KAZN: variants seen among roughly 807,000 people sequenced by gnomAD.
The protein encoded by KAZN is kazrin, periplakin interacting protein.
Under a neutral mutation model 87.4 loss-of-function variants are expected in KAZN, and 40 were observed. The ratio of observed to expected loss-of-function variants is 0.46; its 90% CI spans 0.36 to 0.60. The LOEUF is 0.60. Among genes scored for constraint, KAZN ranks in the 20% least tolerant of loss-of-function variants. The pLI, the probability that KAZN is intolerant of heterozygous loss-of-function variation, is 0.00. For synonymous variants in KAZN, 466 were observed against 458.3 expected, an observed-to-expected ratio of 1.02 and a Z score of -0.22; for missense variants, 898 against 1,073.9, an observed-to-expected ratio of 0.84 and a Z score of 2.29.
intron 1 of KAZN, among the ~76,000 whole-genome samples, chr1:14,943,660 T>G (rs1661402364): frequency 6.6e-6 from 1 of 152,194 alleles, no homozygotes. Flanking sequence ...CACGGAGAGG[T>G]GAGGTGACCT....
At chr1:15,064,013 C>T (rs1272573098) in intron 7 of KAZN, among the ~76,000 whole-genome samples, 1 of 152,240 alleles carries the variant, frequency 6.6e-6, no homozygotes, top group Non-Finnish European at 1.5e-5. Flanking sequence ...GCACACATGT[C>T]CTCCGTCCTG....
At chr1:14,510,779 G>A (rs77858680) in intron 2 of KAZN, among the ~76,000 whole-genome samples, 1,546 of 152,264 alleles carry the variant, frequency 0.01, 31 homozygotes, top group Non-Finnish European at 8.5e-3. Flanking sequence ...GTGGCTGTGA[G>A]CTCAGAGAGT....
intron 2 of KAZN, among the ~76,000 whole-genome samples, chr1:14,406,770 T>C (rs1400631035): frequency 2.0e-5 from 3 of 152,224 alleles, no homozygotes; most frequent in African/African-American, 4.8e-5. Context: ...CAGAATAATA[T>C]TTGAGCAAAT....
intron 2 of KAZN, among the ~76,000 whole-genome samples, chr1:14,446,063 G>A (rs144501443): frequency 1.6e-4 from 24 of 152,156 alleles, no homozygotes; most frequent in African/African-American, 5.8e-4. Context: ...AAGTGTGCTG[G>A]TGCACACCTG....
At chr1:13,908,467 G>A (rs1026130856) in intron 1 of KAZN, among the ~76,000 whole-genome samples, 1 of 152,192 alleles carries the variant, frequency 6.6e-6, no homozygotes, top group Admixed American at 6.5e-5. Flanking sequence ...TAATTCCCCT[G>A]GGTCCTAAGT....
intron 1 of KAZN, among the ~76,000 whole-genome samples, chr1:14,118,175 G>C (rs2101693032): frequency 6.6e-6 from 1 of 152,320 alleles, no homozygotes; most frequent in Non-Finnish European, 1.5e-5. Flanking sequence ...GCAAGATTTA[G>C]ATTCAAATTC....
chr1:14,733,114 G>T (rs1643753323), intron 1 of KAZN, among the ~76,000 whole-genome samples: 1 of 152,128 alleles, frequency 6.6e-6, no homozygotes, highest in African/African-American at 2.4e-5. Flanking sequence ...GTTTCTCGGG[G>T]ATCTGTGGCT....
intron 1 of KAZN, among the ~76,000 whole-genome samples, chr1:14,625,025 C>T (rs1679023742): frequency 6.6e-6 from 1 of 152,062 alleles, no homozygotes. Flanking sequence ...CTGGTCTGTG[C>T]CAGAAACCAA....
intron 3 of KAZN, among the ~76,000 whole-genome samples, chr1:15,042,968 C>T (rs1435343222): frequency 6.6e-6 from 1 of 152,240 alleles, no homozygotes; most frequent in Admixed American, 6.5e-5. Context: ...TTTGCTCCGG[C>T]CAACAGAGGT....
chr1:15,057,159 G>A (rs1036260185), intron 5 of KAZN, among the ~76,000 whole-genome samples: 3 of 152,250 alleles, frequency 2.0e-5, no homozygotes, highest in East Asian at 1.9e-4. Flanking sequence ...ATGGGGGAGT[G>A]TAGGTGAGTC....
At chr1:14,481,128 G>A (rs1182182385) in intron 2 of KAZN, among the ~76,000 whole-genome samples, 1 of 151,896 alleles carries the variant, frequency 6.6e-6, no homozygotes, top group Non-Finnish European at 1.5e-5. Flanking sequence ...AATCTCACAT[G>A]GTCAGGAGAG....
intron 1 of KAZN, among the ~76,000 whole-genome samples, chr1:14,177,173 A>G (rs1327626824): frequency 3.3e-5 from 5 of 152,062 alleles, no homozygotes; most frequent in Non-Finnish European, 7.4e-5. Flanking sequence ...AAAAGACAAT[A>G]TGCTTACATT....
intron 1 of KAZN, among the ~76,000 whole-genome samples, chr1:13,915,995 G>A (rs970929213): frequency 1.3e-5 from 2 of 152,210 alleles, no homozygotes; most frequent in African/African-American, 4.8e-5. Flanking sequence ...ATTGGTGGAA[G>A]CTGTGGCAGG....
At chr1:14,270,086 C>T (rs1651800937) in intron 2 of KAZN, among the ~76,000 whole-genome samples, 1 of 152,188 alleles carries the variant, frequency 6.6e-6, no homozygotes, top group African/African-American at 2.4e-5. Context: ...CCCTAGACCC[C>T]ACCTCCTCAC....
chr1:14,745,146 C>T (rs2100455388), intron 1 of KAZN, among the ~76,000 whole-genome samples: 1 of 152,122 alleles, frequency 6.6e-6, no homozygotes, highest in Admixed American at 6.5e-5. Context: ...TGGACAGTGC[C>T]CTGCAGGCCA....
chr1:14,797,790 G>A (rs1321381096), intron 1 of KAZN, among the ~76,000 whole-genome samples: 2 of 152,266 alleles, frequency 1.3e-5, no homozygotes, highest in African/African-American at 4.8e-5. Flanking sequence ...CTGCAAAATG[G>A]TCATCACAGC....
chr1:14,963,817 T>C (rs1406483304), intron 2 of KAZN, among the ~76,000 whole-genome samples: 2 of 151,874 alleles, frequency 1.3e-5, no homozygotes, highest in African/African-American at 2.4e-5. Context: ...TGTGTGATGT[T>C]CCCCCTCCCT....
intron 1 of KAZN, among the ~76,000 whole-genome samples, chr1:14,926,204 TTTGTC>T (rs1659154255): frequency 1.3e-5 from 2 of 152,270 alleles, no homozygotes; most frequent in South Asian, 2.1e-4. Flanking sequence ...CAAGATGACT[TTTGTC>T]TTGTCTGTAA....
At chr1:14,485,894 A>G (rs1240359673) in intron 2 of KAZN, among the ~76,000 whole-genome samples, 1 of 121,236 alleles carries the variant, frequency 8.2e-6, no homozygotes, top group Admixed American at 9.0e-5. Context: ...CTCCATCTCA[A>G]AAAAAAAAAA....
Sources: allele counts gnomAD v4.1 joint callset (sites outside exome capture counted in the v4.1 genomes callset), GRCh38; gene constraint gnomAD v4.1.1; transcripts MANE v1.5; gene names NCBI Gene and HGNC (gene_info 2026-07-23, HGNC 2026-07-21).